CALN1: variants seen among roughly 807,000 people sequenced by gnomAD.
CALN1 encodes the protein calcium-binding protein 8.
CALN1 carries 17 observed loss-of-function variants against 30.6 expected under a neutral mutation model. The observed-to-expected ratio is 0.56, with a 90% CI of 0.38 to 0.83. CALN1 has a LOEUF of 0.83. Among genes scored for constraint, CALN1 ranks in the 40% least tolerant of loss-of-function variants. The pLI, the probability that CALN1 is intolerant of heterozygous loss-of-function variation, is 0.00. For synonymous variants in CALN1, 156 were observed against 131.4 expected, an observed-to-expected ratio of 1.19 and a Z score of -1.28; for missense variants, 291 against 354.9, an observed-to-expected ratio of 0.82 and a Z score of 1.45.
intron 1 of CALN1, among the ~76,000 whole-genome samples, chr7:72,432,410 T>C (rs1026337270): frequency 3.3e-5 from 5 of 152,136 alleles, no homozygotes; most frequent in African/African-American, 9.7e-5. Flanking sequence ...CAAGGACCCA[T>C]GGGCAATATT....
At chr7:72,127,515 G>A (rs1033522120) in intron 3 of CALN1, among the ~76,000 whole-genome samples, 21 of 152,176 alleles carry the variant, frequency 1.4e-4, no homozygotes, top group African/African-American at 5.1e-4. Context: ...AGCAGAGAGA[G>A]GCTGCTTCTG....
At chr7:71,795,001 C>T (rs1786807615) in intron 6 of CALN1, among the ~76,000 whole-genome samples, 1 of 149,374 alleles carries the variant, frequency 6.7e-6, no homozygotes, top group Non-Finnish European at 1.5e-5. Flanking sequence ...GTGGTGCCTT[C>T]TGATCTTGCC....
intron 5 of CALN1, among the ~76,000 whole-genome samples, chr7:71,970,411 T>C (rs1259986917): frequency 6.6e-6 from 1 of 152,162 alleles, no homozygotes; most frequent in Non-Finnish European, 1.5e-5. Flanking sequence ...TTCTTACTTA[T>C]CAACTTACGT....
the CALN1 span, among the ~76,000 whole-genome samples, chr7:72,484,195 A>G: frequency 3.9e-5 from 6 of 151,974 alleles, no homozygotes; most frequent in South Asian, 1.2e-3. Flanking sequence ...GTAATTTTAG[A>G]TTGGATATGA....
At chr7:72,336,424 G>A (rs1306733493) in intron 2 of CALN1, among the ~76,000 whole-genome samples, 3 of 152,100 alleles carry the variant, frequency 2.0e-5, no homozygotes, top group African/African-American at 4.8e-5. Context: ...AGCCGAGTCC[G>A]CCGCGGCCCT....
At chr7:72,091,389 G>A (rs1417968542) in intron 4 of CALN1, among the ~76,000 whole-genome samples, 2 of 150,922 alleles carry the variant, frequency 1.3e-5, no homozygotes, top group Admixed American at 6.7e-5. Context: ...ATAACTAAAA[G>A]AGTGCAACTG....
At chr7:71,793,759 C>CCCTCT (rs1786719272) in intron 6 of CALN1, among the ~76,000 whole-genome samples, 1 of 152,020 alleles carries the variant, frequency 6.6e-6, no homozygotes, top group African/African-American at 2.4e-5. Context: ...GCCTGTAATC[C>CCCTCT]CCGCTACTCG....
In CALN1 at chr7:72,381,618, C is replaced by T. The variant is rs1410022449; in HGVS notation, c.119+21633G>A. 3.3e-5 allele frequency among the ~76,000 whole-genome samples: 5 copies of T among 152,196 alleles called. No homozygotes were observed. The South Asian group carries it at 6.2e-4, about 19-fold the overall frequency. ...CACAGGAACAGAAACCCGAACACCC[C>T]GTGTTCTCACTCATAAGCGGGAGCT... On this transcript the variant is annotated intron_variant, in intron 2 of 6. Coordinates refer to ENST00000395275, the MANE Select transcript of CALN1 (RefSeq NM_031468.4).
At chr7:72,284,027 A>G (rs1293402421) in intron 2 of CALN1, among the ~76,000 whole-genome samples, 2 of 152,196 alleles carry the variant, frequency 1.3e-5, no homozygotes, top group Admixed American at 6.5e-5. Flanking sequence ...ATGGTGCCTA[A>G]CACCTGTAAT....
At chr7:72,244,241 G>A (rs1433723405) in intron 3 of CALN1, among the ~76,000 whole-genome samples, 5 of 152,286 alleles carry the variant, frequency 3.3e-5, no homozygotes, top group Admixed American at 2.6e-4. Context: ...GCATATAGCA[G>A]ATGTTCAGGA....
intron 3 of CALN1, among the ~76,000 whole-genome samples, chr7:72,145,598 G>A (rs1786648458): frequency 6.6e-6 from 1 of 152,106 alleles, no homozygotes; most frequent in Admixed American, 6.6e-5. Flanking sequence ...AGAAAAAGAG[G>A]GAATCCTCCC....
intron 3 of CALN1, among the ~76,000 whole-genome samples, chr7:72,255,791 C>T (rs1345057199): frequency 4.0e-5 from 6 of 150,718 alleles, no homozygotes; most frequent in African/African-American, 7.3e-5. Flanking sequence ...AGTGCAGTGG[C>T]GCAATCTCGG....
intron 4 of CALN1, among the ~76,000 whole-genome samples, chr7:72,094,353 C>G (rs1806075347): frequency 6.6e-6 from 1 of 152,116 alleles, no homozygotes; most frequent in Admixed American, 6.5e-5. Flanking sequence ...CTCCTGGGTT[C>G]AAGTGATTCT....
intron 3 of CALN1, among the ~76,000 whole-genome samples, chr7:72,136,353 G>A (rs878924619): frequency 5.9e-5 from 9 of 152,134 alleles, no homozygotes; most frequent in South Asian, 2.1e-4. Flanking sequence ...CTTTGCTAGC[G>A]TCAAACTTTT....
intron 5 of CALN1, among the ~76,000 whole-genome samples, chr7:71,975,268 G>A (rs147084628): frequency 5.6e-4 from 85 of 152,188 alleles, no homozygotes; most frequent in African/African-American, 2.0e-3. Context: ...TGGCATCTGT[G>A]TCCTCAGTCA....
chr7:72,276,007 A>G (rs1394124121), intron 3 of CALN1, among the ~76,000 whole-genome samples: 2 of 152,310 alleles, frequency 1.3e-5, no homozygotes, highest in Non-Finnish European at 2.9e-5. Flanking sequence ...TCACAGAGAA[A>G]TCATCTCTTG....
intron 4 of CALN1, among the ~76,000 whole-genome samples, chr7:72,062,698 T>C (rs765510440): frequency 6.6e-6 from 1 of 152,128 alleles, no homozygotes; most frequent in Non-Finnish European, 1.5e-5. Context: ...TCAATGTAGG[T>C]TGATATAACA....
intron 4 of CALN1, among the ~76,000 whole-genome samples, chr7:72,092,216 A>C (rs1463093572): frequency 6.6e-6 from 1 of 152,012 alleles, no homozygotes; most frequent in Non-Finnish European, 1.5e-5. Context: ...TTGGTTTTTA[A>C]TTTTTAAATT....
intron 3 of CALN1, among the ~76,000 whole-genome samples, chr7:72,206,329 C>T (rs1001359512): frequency 1.1e-4 from 16 of 152,184 alleles, no homozygotes; most frequent in African/African-American, 2.9e-4. Flanking sequence ...GTACTTATGA[C>T]GTCTCAAATA....
Sources: allele counts gnomAD v4.1 joint callset (sites outside exome capture counted in the v4.1 genomes callset), GRCh38; gene constraint gnomAD v4.1.1; transcripts MANE v1.5; gene names NCBI Gene and HGNC (gene_info 2026-07-23, HGNC 2026-07-21).